Variants in RAPGEF5 observed in about 807,000 individuals in gnomAD.
RAPGEF5 encodes Rap guanine nucleotide exchange factor 5, also known as M-Ras-regulated GEF.
RAPGEF5 carries 65 observed loss-of-function variants against 125.2 expected under a neutral mutation model. The observed-to-expected ratio is 0.52, with a 90% CI of 0.43 to 0.64. RAPGEF5 has a LOEUF of 0.64. RAPGEF5 is among the 30% of genes least tolerant of loss of function. The pLI is 0.00. For missense variants in RAPGEF5, 958 were observed against 1,048.1 expected (o/e 0.91, Z 1.19); for synonymous variants, 391 against 385.9 (o/e 1.01, Z -0.16).
intron 11 of RAPGEF5, among the ~76,000 whole-genome samples, chr7:22,175,127 TAAAC>T (rs1449134216): frequency 1.3e-5 from 2 of 152,176 alleles, no homozygotes; most frequent in South Asian, 2.1e-4. Context: ...CTCCTTTCTG[TAAAC>T]AAACAAACGG....
In RAPGEF5 at chr7:22,191,802, T is replaced by C. The variant is rs551624768; in HGVS notation, c.1204+1565A>G. 3.3e-5 allele frequency among the ~76,000 whole-genome samples: 5 copies of C among 152,272 alleles called. No individual in the cohort carries two copies. In the South Asian group the frequency reaches 1.0e-3, roughly 32 times the overall value. On this transcript the variant is annotated intron_variant, in intron 11 of 25. Transcript: ENST00000665637. Reference sequence around the variant, plus strand: ...AGCACCTGAGCCATTTTCTCAAAAGTAAAGAGAACACAAACTAATGACAAT... The same window carrying C: ...AGCACCTGAGCCATTTTCTCAAAAGCAAAGAGAACACAAACTAATGACAAT...
chr7:22,140,807 G>A (rs1223588554), intron 20 of RAPGEF5, among the ~76,000 whole-genome samples: 1 of 152,186 alleles, frequency 6.6e-6, no homozygotes, highest in Non-Finnish European at 1.5e-5. Flanking sequence ...GCTTGGAATG[G>A]CAGGGGGAGC....
chr7:22,271,567 T>C (rs1227953129), intron 6 of RAPGEF5, among the ~76,000 whole-genome samples: 3 of 152,236 alleles, frequency 2.0e-5, no homozygotes, highest in Non-Finnish European at 4.4e-5. Context: ...TCAAGTTTAA[T>C]TTAAAATATA....
chr7:22,260,662 G>A (rs529965276), intron 7 of RAPGEF5, among the ~76,000 whole-genome samples: 1 of 151,826 alleles, frequency 6.6e-6, no homozygotes, highest in African/African-American at 2.4e-5. Context: ...TTCATTGATA[G>A]AAACACATTA....
chr7:22,172,309 G>C (rs1259057334), intron 11 of RAPGEF5, among the ~76,000 whole-genome samples: 1 of 151,934 alleles, frequency 6.6e-6, no homozygotes, highest in African/African-American at 2.4e-5. Flanking sequence ...TTTTAGTAGA[G>C]ACTGGGGTTT....
intron 6 of RAPGEF5, among the ~76,000 whole-genome samples, chr7:22,283,160 A>G (rs1312993263): frequency 6.6e-6 from 1 of 152,166 alleles, no homozygotes; most frequent in Non-Finnish European, 1.5e-5. Context: ...GAAAAATGAT[A>G]AAGTCTTTAT....
chr7:22,336,267 T>C (rs369758970), intron 1 of RAPGEF5, among the ~76,000 whole-genome samples: 3 of 152,232 alleles, frequency 2.0e-5, no homozygotes, highest in Non-Finnish European at 2.9e-5. Flanking sequence ...TGTCCACATA[T>C]AGTCTCACCT....
chr7:22,231,438 C>T (rs556048252), intron 7 of RAPGEF5, among the ~76,000 whole-genome samples: 3 of 152,278 alleles, frequency 2.0e-5, no homozygotes, highest in East Asian at 3.9e-4. Context: ...CCTTATCACC[C>T]TTTCTTCATG....
chr7:22,166,076 ATG>A (rs796989369), intron 12 of RAPGEF5, among the ~76,000 whole-genome samples: 39 of 144,622 alleles, frequency 2.7e-4, no homozygotes, highest in South Asian at 2.3e-3. Flanking sequence ...ATACATATAT[ATG>A]TATCATATAT....
At chr7:22,175,754 C>T (rs971445891) in intron 11 of RAPGEF5, among the ~76,000 whole-genome samples, 7 of 152,088 alleles carry the variant, frequency 4.6e-5, no homozygotes, top group African/African-American at 1.7e-4. Context: ...AACATAATAT[C>T]CTAAATTAGA....
intron 7 of RAPGEF5, among the ~76,000 whole-genome samples, chr7:22,252,635 A>T (rs1052865570): frequency 2.0e-5 from 3 of 152,258 alleles, no homozygotes; most frequent in Admixed American, 6.5e-5. Flanking sequence ...TCTCCTGCTC[A>T]TCAGGAGAAA....
chr7:22,174,861 A>G (rs933739445), intron 11 of RAPGEF5, among the ~76,000 whole-genome samples: 20 of 152,142 alleles, frequency 1.3e-4, no homozygotes, highest in African/African-American at 4.3e-4. Flanking sequence ...TGGGTTCCCC[A>G]GGTTACTCTA....
At chr7:22,212,159 C>T (rs1299660544) in intron 9 of RAPGEF5, among the ~76,000 whole-genome samples, 28 of 151,902 alleles carry the variant, frequency 1.8e-4, no homozygotes, top group Non-Finnish European at 1.5e-5. Context: ...ATTTTTAGTA[C>T]AGACAGAGTT....
At chr7:22,150,361 C>T (rs778701022) in intron 18 of RAPGEF5, 46 bp downstream of exon 18, 1 of 1,574,492 alleles carries the variant, frequency 6.4e-7, no homozygotes, top group Non-Finnish European at 8.6e-7. Flanking sequence ...GTATGAGCCA[C>T]CTCGCCTGGC....
At chr7:22,197,273 C>A (rs1258187252) in intron 9 of RAPGEF5, among the ~76,000 whole-genome samples, 1 of 152,090 alleles carries the variant, frequency 6.6e-6, no homozygotes. Context: ...GGAAATAAGT[C>A]AGCTTGAAGA....
chr7:22,342,800 G>C (rs1034752012), intron 1 of RAPGEF5, among the ~76,000 whole-genome samples: 3 of 152,154 alleles, frequency 2.0e-5, no homozygotes, highest in Non-Finnish European at 2.9e-5. Flanking sequence ...GACCACCTAA[G>C]CCTGGACTTT....
chr7:22,169,203 A>C (rs1420725403), intron 11 of RAPGEF5, among the ~76,000 whole-genome samples: 1 of 152,176 alleles, frequency 6.6e-6, no homozygotes, highest in African/African-American at 2.4e-5. Context: ...TACGCAGAAG[A>C]GCCAGGGGCC....
At chr7:22,147,918 A>G (rs1238838399) in intron 18 of RAPGEF5, among the ~76,000 whole-genome samples, 1 of 152,240 alleles carries the variant, frequency 6.6e-6, no homozygotes, top group Non-Finnish European at 1.5e-5. Flanking sequence ...AAACTGAAAA[A>G]TAAGTTATTT....
chr7:22,327,873 C>G (rs1783845117), intron 1 of RAPGEF5, among the ~76,000 whole-genome samples: 1 of 152,148 alleles, frequency 6.6e-6, no homozygotes, highest in African/African-American at 2.4e-5. Flanking sequence ...GGGGTGAAGC[C>G]TCAGAGTCTC....
Sources: allele counts gnomAD v4.1 joint callset (sites outside exome capture counted in the v4.1 genomes callset), GRCh38; gene constraint gnomAD v4.1.1; transcripts MANE v1.5; gene names NCBI Gene and HGNC (gene_info 2026-07-23, HGNC 2026-07-21).